The following PSAT1 variants were observed in gnomAD, a reference collection of about 807,000 sequenced individuals.
PSAT1 encodes phosphoserine aminotransferase.
A neutral mutation model predicts 40.3 loss-of-function variants in PSAT1; 41 were observed. The observed-to-expected ratio is 1.02, with a 90% CI of 0.79 to 1.32. The LOEUF is 1.32. PSAT1 is among the 40% of genes most tolerant of loss of function. The probability of loss-of-function intolerance (pLI) is 0.00; values close to 1 mark genes in which losing one functional copy is unlikely to be tolerated. For synonymous variants in PSAT1, 147 were observed against 170.5 expected, an observed-to-expected ratio of 0.86 and a Z score of 1.07; for missense variants, 406 against 455.8, an observed-to-expected ratio of 0.89 and a Z score of 0.99.
intron 6 of PSAT1, among the ~76,000 whole-genome samples, chr9:78,314,221 G>T (rs1564016593): frequency 6.9e-6 from 1 of 145,170 alleles, no homozygotes; most frequent in Non-Finnish European, 1.5e-5. Flanking sequence ...AGCCACGAGG[G>T]TCCTGTGTTA....
chr9:78,300,500 C>T lies in PSAT1; in HGVS notation c.61-102C>T, dbSNP rs188306698. On this transcript the variant is annotated intron_variant, in intron 1 of 8. Coordinates refer to ENST00000376588, the MANE Select transcript of PSAT1 (RefSeq NM_058179.4). ...GGTGGGGATGGAAGCCTGGGGACCT[C>T]ACTGTAGACCCTTCCTTGTCCCCTC... The T allele has an allele frequency of 2.8e-5, 40 of 1,415,792 alleles. No homozygotes were observed. The East Asian group carries it at 9.5e-4, about 34-fold the overall frequency. 87.7% of individuals were successfully genotyped at this position (1,415,792 alleles called of 1,614,324 possible).
At chr9:78,311,264 G>A (rs1388645471) in intron 6 of PSAT1, among the ~76,000 whole-genome samples, 1 of 152,142 alleles carries the variant, frequency 6.6e-6, no homozygotes, top group Non-Finnish European at 1.5e-5. Flanking sequence ...ATGTCAGGCT[G>A]CACATGGCAG....
At chr9:78,308,730 T>C in intron 6 of PSAT1, 147 bp downstream of exon 6, 1 of 895,106 alleles carries the variant, frequency 1.1e-6, no homozygotes, top group South Asian at 1.7e-5. Context: ...CTGAGGTGGA[T>C]GGACCACTTG....
intron 6 of PSAT1, among the ~76,000 whole-genome samples, chr9:78,309,578 C>T (rs200867185): frequency 6.6e-6 from 1 of 152,186 alleles, no homozygotes; most frequent in Non-Finnish European, 1.5e-5. Flanking sequence ...GGTCAGGCTG[C>T]TCTTGAACTC....
chr9:78,328,544 TTAG>T (rs1828533659), intron 8 of PSAT1, among the ~76,000 whole-genome samples: 1 of 152,192 alleles, frequency 6.6e-6, no homozygotes, highest in African/African-American at 2.4e-5. Context: ...GAACATCAAA[TTAG>T]TAGCTAGTCT....
At chr9:78,315,515 C>T (rs747020201) in intron 6 of PSAT1, among the ~76,000 whole-genome samples, 3 of 152,240 alleles carry the variant, frequency 2.0e-5, no homozygotes, top group Non-Finnish European at 2.9e-5. Context: ...AGAGAGCTAC[C>T]GCTGAGGCTG....
chr9:78,328,997 C>T lies in PSAT1; in HGVS notation c.1024C>T (p.Arg342Trp), dbSNP rs202103028. The T allele has an allele frequency of 3.7e-6, 6 of 1,613,710 alleles. No individual in the cohort carries two copies. The highest frequency in any genetic ancestry group is 2.2e-5 in the South Asian group (2 of 91,066). Residue 342 changes from arginine to tryptophan, a missense_variant, in exon 9 of 9, where the codon CGG becomes TGG. Arg to Trp is a moderately radical substitution (Grantham distance 101). Coordinates refer to ENST00000376588, the MANE Select transcript of PSAT1 (RefSeq NM_058179.4). Reference protein sequence around the residue: ...LKGHRSVGGIRASLYNAVTIE... With the variant: ...LKGHRSVGGIWASLYNAVTIE... ...TCATTCTAGGTCTGTGGGAGGCATC[C>T]GGGCCTCTCTGTATAATGCTGTCAC...
chr9:78,328,005 C>G (rs181012410), intron 7 of PSAT1, 46 bp from the exon 8 acceptor site: 331 of 1,587,626 alleles, frequency 2.1e-4, no homozygotes, highest in East Asian at 8.9e-4. Flanking sequence ...TTATGACAAC[C>G]CATACATTTC....
chr9:78,304,852 G>A lies in PSAT1; in HGVS notation c.309G>A (p.Val103=). 3.1e-6 allele frequency: 5 copies of A among 1,614,172 alleles called. No homozygotes were observed. The highest frequency in any genetic ancestry group is 3.4e-6 in the Non-Finnish European group (4 of 1,180,034). ...CAGGAAGGTGTGCTGACTATGTGGT[G>A]ACAGGAGCTTGGTCAGCTAAGGCCG... is the stretch of plus-strand genomic sequence containing the variant. ...LKAGRCADYV[V]TGAWSAKAAE... Residue 103 remains valine, a synonymous_variant, in exon 4 of 9, where the codon GTG becomes GTA. Transcript: ENST00000376588.
In PSAT1 at chr9:78,305,039, G is replaced by GT. The variant is rs3842207; in HGVS notation, c.397+100dup. 868,034 of 1,104,236 alleles carry GT rather than the reference G, an allele frequency of 0.79. 343,063 individuals are homozygous for GT. Among genetic ancestry groups the GT allele is most frequent in the Admixed American group, 0.84 (42,803 of 50,732 alleles). The allele number at this position is 1,104,236 out of a possible 1,614,324, so 68.4% of individuals were successfully genotyped here. On this transcript the variant is annotated intron_variant, in intron 4 of 8. Transcript: ENST00000376588. ...TTTCAATTATTTTCTCCCCTTGACA[G>GT]TGTTAGTTCATTACCATTTAGATTG...
At chr9:78,317,196 C>T (rs903617395) in intron 6 of PSAT1, among the ~76,000 whole-genome samples, 1 of 152,130 alleles carries the variant, frequency 6.6e-6, no homozygotes, top group African/African-American at 2.4e-5. Flanking sequence ...TGACCCTAGT[C>T]CTTGCTTGAT....
chr9:78,320,706 A>G (rs1828417923), intron 7 of PSAT1, among the ~76,000 whole-genome samples: 1 of 143,796 alleles, frequency 7.0e-6, no homozygotes, highest in Non-Finnish European at 1.5e-5. Flanking sequence ...CATCCATAAA[A>G]TGGCTCCTGA....
intron 4 of PSAT1, 57 bp from the exon 5 acceptor site, chr9:78,306,257 A>C: frequency 6.3e-7 from 1 of 1,581,288 alleles, no homozygotes; most frequent in Non-Finnish European, 8.7e-7. Context: ...ACTCCCATCT[A>C]TGTAAGGAAA....
intron 3 of PSAT1, among the ~76,000 whole-genome samples, chr9:78,302,733 CAAAAAAAAA>C (rs373285782): frequency 0.65 from 67,574 of 103,818 alleles, 18,807 homozygotes; most frequent in Admixed American, 0.72. Context: ...GACTCCGTCT[CAAAAAAAAA>C]AAAAAAAAAA....
intron 6 of PSAT1, among the ~76,000 whole-genome samples, chr9:78,309,155 G>C (rs1828229419): frequency 6.6e-6 from 1 of 151,906 alleles, no homozygotes; most frequent in South Asian, 2.1e-4. Context: ...TTTTTGTTTG[G>C]TCTTGGTAAT....
At chr9:78,326,957 T>TA (rs1237443160) in intron 7 of PSAT1, among the ~76,000 whole-genome samples, 1,757 of 58,712 alleles carry the variant, frequency 0.03, 17 homozygotes, top group South Asian at 0.046. Context: ...ATATATATAT[T>TA]TTTTTTTTTT....
At chr9:78,312,880 A>T (rs527335757) in intron 6 of PSAT1, among the ~76,000 whole-genome samples, 23 of 152,100 alleles carry the variant, frequency 1.5e-4, no homozygotes, top group African/African-American at 5.5e-4. Context: ...CTCTGGGAAA[A>T]GTGCTCAACT....
intron 5 of PSAT1, 72 bp downstream of exon 5, chr9:78,306,558 G>A (rs1252330049): frequency 2.0e-5 from 31 of 1,583,548 alleles, no homozygotes; most frequent in Non-Finnish European, 2.7e-5. Context: ...ATATATACAA[G>A]AGCGGGAAGA....
In PSAT1 at chr9:78,308,540, C is replaced by A. The variant is rs778681479; in HGVS notation, c.697C>A (p.Gln233Lys). The change falls in exon 6 of 9, where the codon CAG becomes AAG. Residue 233 changes from glutamine (Q) to lysine (K), a missense_variant. By Grantham distance (53) the Gln-to-Lys change is moderately conservative. Transcript: ENST00000376588. Reference sequence around the variant, plus strand: ...CCCCTCGGTCCTGGAATACAAGGTGCAGGCTGGAAACAGCTCCTTGTACAA... The same window carrying A: ...CCCCTCGGTCCTGGAATACAAGGTGAAGGCTGGAAACAGCTCCTTGTACAA... ...ECPSVLEYKV[Q>K]AGNSSLYNTP... is the part of the protein sequence containing the mutation. 1.2e-6 allele frequency: 2 copies of A among 1,613,976 alleles called. No homozygotes were observed. Among genetic ancestry groups the A allele is most frequent in the East Asian group, 4.5e-5 (2 of 44,870 alleles).
Sources: gnomAD v4.1 joint callset for allele counts (sites outside exome capture counted in the v4.1 genomes callset) on GRCh38, gnomAD v4.1.1 for gene constraint, MANE v1.5 for transcripts, NCBI Gene and HGNC (gene_info 2026-07-23, HGNC 2026-07-21) for gene names.